The following MYO15B variants were observed in gnomAD, a reference collection of about 807,000 sequenced individuals.
MYO15B encodes the protein myosin XVB pseudogene.
In MYO15B, 207 loss-of-function variants were observed where a neutral mutation model predicts 119.3. That is an observed-to-expected ratio of 1.73 (90% CI 1.55 to 1.95). The LOEUF (loss-of-function observed/expected upper bound fraction) is 1.95. Among genes scored for constraint, MYO15B ranks in the 30% most tolerant of loss-of-function variants. The pLI is 0.00. For synonymous variants in MYO15B, 966 were observed against 498.9 expected (o/e 1.94, Z -12.48); for missense variants, 2,264 against 1,203.1 (o/e 1.88, Z -13.04).
At position 75,589,802 on chromosome 17, in the gene MYO15B, T is replaced by TG. The variant is rs1192198131; in HGVS notation, c.1752dup (p.His585AlafsTer3). On this transcript the variant is annotated frameshift_variant, in exon 1 of 64. Transcript: ENST00000645453. LOFTEE classifies it high-confidence loss of function. This position sits in a 1 kb window ranked among gnomAD's most constrained non-coding sequence, Gnocchi z 4.2. ...GGCCGAGGTTGGCCTCGTGCAGGGG[T>TG]GGGGGGGCACAGTGAGGGGTGCAGG... is the stretch of plus-strand genomic sequence containing the variant. 1.1e-4 allele frequency: 35 copies of TG among 305,298 alleles called. No homozygotes were observed. Among genetic ancestry groups the TG allele is most frequent in the South Asian group, 1.6e-4 (1 of 6,294 alleles). 18.9% of individuals were successfully genotyped at this position (305,298 alleles called of 1,614,324 possible). A position where few individuals can be genotyped will look rare whatever the true frequency, so the allele number is the denominator to read the frequency against.
At chr17:75,626,446 A>G (rs1482855816) in exon 64 of MYO15B, 1 of 703,172 alleles carries the variant, frequency 1.4e-6, no homozygotes, top group Admixed American at 2.0e-5. Context: ...CCTGATAGAC[A>G]GCAGTGCCTC....
chr17:75,594,721 C>G (rs2056736552), exon 11 of MYO15B: 2 of 703,080 alleles, frequency 2.8e-6, no homozygotes, highest in African/African-American at 3.5e-5. Context: ...ATGGCCAGGT[C>G]TCGCGATCCC....
chr17:75,606,519 G>T (rs1661702), intron 21 of MYO15B, among the ~76,000 whole-genome samples: 15,370 of 151,418 alleles, frequency 0.1, 1,877 homozygotes, highest in African/African-American at 0.3. Flanking sequence ...TGTTGCCCAG[G>T]CTGGAGTGTA....
chr17:75,626,469 G>T, exon 64 of MYO15B: 1 of 703,266 alleles, frequency 1.4e-6, no homozygotes, highest in Non-Finnish European at 2.6e-6. Flanking sequence ...GCACTGAGTG[G>T]CCCAGCATCA....
exon 60 of MYO15B, chr17:75,625,185 C>G: frequency 1.4e-6 from 1 of 702,610 alleles, no homozygotes; most frequent in South Asian, 1.5e-5. Flanking sequence ...CGCAGCTCGC[C>G]AGGCTGGCCG....
chr17:75,622,032 C>T, exon 53 of MYO15B: 3 of 703,004 alleles, frequency 4.3e-6, no homozygotes, highest in South Asian at 3.0e-5. Flanking sequence ...GTGACCAGTC[C>T]AAGCCCCGGG....
chr17:75,612,124 C>T (rs2058067439), intron 25 of MYO15B, 108 bp downstream of exon 25: 4 of 644,630 alleles, frequency 6.2e-6, no homozygotes, highest in Admixed American at 2.3e-5. Flanking sequence ...GCCCTCCTTC[C>T]TCCCCAGCCT....
In MYO15B at chr17:75,618,217, A is replaced by G. The variant is rs1383110390; in HGVS notation, c.6987+32A>G. 13 of 702,792 alleles carry G rather than the reference A, an allele frequency of 1.8e-5. No homozygotes were observed. In the East Asian group the frequency reaches 3.2e-4, roughly 17 times the overall value. 43.5% of individuals were successfully genotyped at this position (702,792 alleles called of 1,614,324 possible). On this transcript the variant is annotated intron_variant, in intron 43 of 63. Transcript: ENST00000645453. ...GCTGGCCCACCTGCCAGCCTGAGAC[A>G]TCTGCAGAGACAGCATCCTTCGTGC...
At chr17:75,595,022 A>T in intron 12 of MYO15B, 50 bp downstream of exon 12, 1 of 694,140 alleles carries the variant, frequency 1.4e-6, no homozygotes, top group East Asian at 2.7e-5. Flanking sequence ...TATAATTCCG[A>T]TGGATTTCTG....
chr17:75,594,107 A>G (rs960544063), intron 9 of MYO15B, among the ~76,000 whole-genome samples: 29 of 134,142 alleles, frequency 2.2e-4, no homozygotes, highest in Admixed American at 4.2e-4. Context: ...AAAAAAAAGA[A>G]AAAAAAAAAT....
At chr17:75,619,688 G>A (rs765477500) in exon 46 of MYO15B, 12 of 702,750 alleles carry the variant, frequency 1.7e-5, no homozygotes, top group Non-Finnish European at 3.1e-5. Context: ...TAGGGCGAGA[G>A]TGGCAGCGAC....
chr17:75,599,220 G>A (rs1178912729), intron 14 of MYO15B, among the ~76,000 whole-genome samples: 1 of 151,570 alleles, frequency 6.6e-6, no homozygotes, highest in Non-Finnish European at 1.5e-5. Flanking sequence ...GTGTGTTTGT[G>A]TATGTGTGTT....
exon 64 of MYO15B, chr17:75,626,763 A>C: frequency 1.9e-6 from 1 of 536,234 alleles, no homozygotes. Context: ...TGCCCACCCG[A>C]CCCCAGGCTC....
chr17:75,623,704 C>A, intron 53 of MYO15B, 77 bp from the exon 54 acceptor site: 1 of 692,456 alleles, frequency 1.4e-6, no homozygotes. Flanking sequence ...CATGGCCTAG[C>A]AGGGTTTCTC....
At chr17:75,625,709 G>A (rs1284551222) in intron 61 of MYO15B, 49 bp downstream of exon 61, 20 of 701,824 alleles carry the variant, frequency 2.8e-5, no homozygotes, top group South Asian at 8.9e-5. Context: ...AGGCCAAGAG[G>A]GAAGGAATGC....
chr17:75,592,159 C>T, intron 6 of MYO15B, 79 bp downstream of exon 6: 3 of 701,330 alleles, frequency 4.3e-6, no homozygotes. Flanking sequence ...GGGGTCCAGA[C>T]CCTGGTAGGG....
rs976744985 is a variant in MYO15B, at chr17:75,623,630, G to T, written c.8083-151G>T. 2.9e-4 allele frequency: 177 copies of T among 616,084 alleles called. 2 individuals carry two copies. The East Asian group carries it at 4.8e-3, about 17-fold the overall frequency. 38.2% of individuals were successfully genotyped at this position (616,084 alleles called of 1,614,324 possible). A position where few individuals can be genotyped will look rare whatever the true frequency, so the allele number is the denominator to read the frequency against. On this transcript the variant is annotated intron_variant, in intron 53 of 63. Transcript: ENST00000645453. ...GAGGGAGACGGGAGCAGCGAAGAAA[G>T]TAACTGAGTAGCCAGTGCAGTGATG...
intron 48 of MYO15B, 49 bp downstream of exon 48, chr17:75,620,406 G>A (rs1362221183): frequency 1.4e-6 from 1 of 702,804 alleles, no homozygotes; most frequent in Non-Finnish European, 2.6e-6. Context: ...CATCCACTTG[G>A]CAGAGGCTGC....
rs768584722 is a variant in MYO15B, at chr17:75,615,363, A to G, written c.5740+25A>G. On this transcript the variant is annotated intron_variant, in intron 34 of 63. Coordinates refer to ENST00000645453, the Ensembl canonical transcript of MYO15B. ...GGTAAGTCTGGGCTGGGGGCACCAG[A>G]GTCCCTTCTCAGGAGAGCAGCCACC... 2.3e-5 allele frequency: 16 copies of G among 700,086 alleles called. No individual in the cohort carries two copies. In the African/African-American group the frequency reaches 2.8e-4, roughly 12 times the overall value. 43.4% of individuals were successfully genotyped at this position (700,086 alleles called of 1,614,324 possible).
Sources: allele counts gnomAD v4.1 joint callset (sites outside exome capture counted in the v4.1 genomes callset), GRCh38; gene constraint gnomAD v4.1.1; non-coding constraint Gnocchi (gnomAD v3.1); transcripts MANE v1.5; gene names NCBI Gene and HGNC (gene_info 2026-07-23, HGNC 2026-07-21).